Variants in MATN2 observed in about 807,000 individuals in gnomAD.
MATN2 encodes the protein matrilin 2, also known as matrilin-2.
In MATN2, 69 loss-of-function variants were observed where a neutral mutation model predicts 103.2. The ratio of observed to expected loss-of-function variants is 0.67; its 90% CI spans 0.55 to 0.82. The LOEUF (loss-of-function observed/expected upper bound fraction) is 0.82, where lower values mean the gene tolerates loss of function less well. MATN2 is among the 40% of genes least tolerant of loss of function. The pLI is 0.00. For missense variants in MATN2, 1,023 were observed against 1,211.5 expected, an observed-to-expected ratio of 0.84 and a Z score of 2.31; for synonymous variants, 429 against 450.2, an observed-to-expected ratio of 0.95 and a Z score of 0.60.
At chr8:97,895,649 G>A (rs1818784382) in intron 2 of MATN2, among the ~76,000 whole-genome samples, 1 of 152,172 alleles carries the variant, frequency 6.6e-6, no homozygotes, top group Non-Finnish European at 1.5e-5. Flanking sequence ...TTTACTACTA[G>A]ACTGTCTCTT....
intron 3 of MATN2, among the ~76,000 whole-genome samples, chr8:97,939,999 C>T (rs1465127575): frequency 6.6e-6 from 1 of 152,204 alleles, no homozygotes; most frequent in Non-Finnish European, 1.5e-5. Context: ...CCATAATTCT[C>T]CTTTGCTATA....
At chr8:97,989,404 G>C (rs961865858) in intron 6 of MATN2, among the ~76,000 whole-genome samples, 1 of 151,308 alleles carries the variant, frequency 6.6e-6, no homozygotes, top group African/African-American at 2.4e-5. Context: ...GGGAGGCAGA[G>C]CTTGCAGTGA....
At position 98,027,785 on chromosome 8, in the gene MATN2, C is replaced by T; in HGVS notation, c.2312C>T (p.Ala771Val). 6.3e-7 allele frequency: 1 copy of T among 1,599,524 alleles called. No homozygotes were observed. Among genetic ancestry groups the T allele is most frequent in the Non-Finnish European group, 8.5e-7 (1 of 1,173,560 alleles). Reference protein sequence around the residue: ...RAAIVFTDGRAQDDVSEWASK... With the variant: ...RAAIVFTDGRVQDDVSEWASK... The stretch of plus-strand genomic sequence containing the variant: ...GCCATTGTGTTCACCGACGGACGGG[C>T]TCAGGATGACGTCTCCGAGTGGGCC... Residue 771 changes from alanine to valine, a missense_variant, in exon 14 of 19, where the codon GCT becomes GTT. Coordinates refer to ENST00000254898, the MANE Select transcript of MATN2 (RefSeq NM_002380.5).
chr8:97,959,614 CT>C (rs1402117616), intron 4 of MATN2, among the ~76,000 whole-genome samples: 2 of 151,974 alleles, frequency 1.3e-5, no homozygotes, highest in African/African-American at 4.8e-5. Context: ...GTCTATAAGG[CT>C]TTTTTTTCCA....
rs1287582183 is a variant in MATN2 at position 98,036,535 on chromosome 8, G to A, written c.*823G>A. 2.6e-5 allele frequency: 4 copies of A among 152,142 alleles called. No homozygotes were observed. Among genetic ancestry groups the A allele is most frequent in the Non-Finnish European group, 5.9e-5 (4 of 68,040 alleles). 9.4% of individuals were successfully genotyped at this position (152,142 alleles called of 1,614,324 possible). A position where few individuals can be genotyped will look rare whatever the true frequency, so the allele number is the denominator to read the frequency against. On this transcript the variant is annotated 3_prime_UTR_variant, in exon 19 of 19. Coordinates refer to ENST00000254898, the MANE Select transcript of MATN2 (RefSeq NM_002380.5). ...TAGCAACTGCACTCAGTTGATTTCA[G>A]CCCATACATACAAAGAGACCTGCAT...
At chr8:98,032,515 G>A (rs927747021) in intron 16 of MATN2, among the ~76,000 whole-genome samples, 198 bp downstream of exon 16, 11 of 151,890 alleles carry the variant, frequency 7.2e-5, no homozygotes, top group African/African-American at 2.7e-4. Context: ...AGGTGACAGT[G>A]TTTTTTTGTT....
At chr8:97,994,374 T>G (rs1812497950) in intron 6 of MATN2, 106 bp from the exon 7 acceptor site, 1 of 1,195,852 alleles carries the variant, frequency 8.4e-7, no homozygotes, top group African/African-American at 1.5e-5. Context: ...CTCTTTGAGG[T>G]GTGGGATTTT....
At chr8:98,013,710 T>G (rs1010844889) in intron 10 of MATN2, among the ~76,000 whole-genome samples, 1 of 152,212 alleles carries the variant, frequency 6.6e-6, no homozygotes, top group African/African-American at 2.4e-5. Flanking sequence ...TTGGAAATAT[T>G]TATCTGCCTT....
intron 6 of MATN2, among the ~76,000 whole-genome samples, chr8:97,986,942 C>T (rs1310014799): frequency 6.6e-6 from 1 of 152,094 alleles, no homozygotes; most frequent in African/African-American, 2.4e-5. Context: ...ACGCCATTCT[C>T]CTGCCTCAGC....
At chr8:97,995,787 T>C (rs4735521) in intron 7 of MATN2, among the ~76,000 whole-genome samples, 51,086 of 152,150 alleles carry the variant, frequency 0.34, 9,543 homozygotes, top group African/African-American at 0.5. Flanking sequence ...TTGCAAATCC[T>C]GGATTTTGAA....
chr8:97,933,094 A>G (rs1320425829), intron 3 of MATN2, among the ~76,000 whole-genome samples: 2 of 152,246 alleles, frequency 1.3e-5, no homozygotes, highest in Non-Finnish European at 2.9e-5. Flanking sequence ...AAAAGCACAG[A>G]GATCTCATTT....
intron 2 of MATN2, among the ~76,000 whole-genome samples, chr8:97,924,074 C>T (rs2512071): frequency 1 from 151,685 of 152,296 alleles, 75,549 homozygotes; most frequent in Non-Finnish European, 1. Flanking sequence ...TCCCCAGCTT[C>T]AATTCTATAG....
At chr8:97,962,157 T>C (rs1248448092) in intron 5 of MATN2, among the ~76,000 whole-genome samples, 1 of 152,206 alleles carries the variant, frequency 6.6e-6, no homozygotes, top group African/African-American at 2.4e-5. Flanking sequence ...CTTAACATGG[T>C]CTCATTCCTC....
At chr8:97,888,332 T>G in intron 2 of MATN2, 90 bp downstream of exon 2, 1 of 1,346,806 alleles carries the variant, frequency 7.4e-7, no homozygotes, top group Non-Finnish European at 9.6e-7. Flanking sequence ...TTTGAGAAGC[T>G]TTCCTTTCCC....
Position 98,007,527 on chromosome 8 carries a change from T to A in MATN2, c.1499T>A (p.Val500Asp), listed in dbSNP as rs745751736. 8.1e-6 allele frequency: 13 copies of A among 1,613,530 alleles called. No homozygotes were observed. In the South Asian group the frequency reaches 1.1e-4, roughly 14 times the overall value. The change falls in exon 10 of 19, where the codon GTC (valine) becomes GAC (aspartate). Residue 500 changes from valine to aspartate, a missense_variant. Coordinates refer to ENST00000254898, the MANE Select transcript of MATN2 (RefSeq NM_002380.5). The surrounding 1 kb of genome is among the most constrained non-coding windows in gnomAD (Gnocchi z 4.2). ...LSDHGCEYSC[V>D]NMDRSFACQC... ...GACCATGGTTGTGAATACTCCTGTG[T>A]CAACATGGACAGATCCTTTGCCTGT...
chr8:97,937,886 CG>C (rs1810430490), intron 3 of MATN2, among the ~76,000 whole-genome samples: 1 of 151,992 alleles, frequency 6.6e-6, no homozygotes, highest in African/African-American at 2.4e-5. Context: ...GCCTAATTTC[CG>C]CAATTGATAG....
rs757205252 is a variant in MATN2 at position 97,931,388 on chromosome 8, C to T, written c.578C>T (p.Ala193Val). 1.5e-5 allele frequency: 25 copies of T among 1,613,648 alleles called. No individual in the cohort carries two copies. The highest frequency in any genetic ancestry group is 1.9e-5 in the Non-Finnish European group (23 of 1,179,892). Residue 193 changes from alanine to valine, a missense_variant, in exon 3 of 19, where the codon GCC (alanine) becomes GTC (valine). Transcript: ENST00000254898. The surrounding 1 kb of genome is among the most constrained non-coding windows in gnomAD (Gnocchi z 4.1). The stretch of plus-strand genomic sequence containing the variant: ...CGGGACACGGGCATCCTAATCTTTG[C>T]CATTGGTGTGGGCCAGGTAGACTTC... ...KARDTGILIFAIGVGQVDFNT... is the reference protein window; with the variant it reads ...KARDTGILIFVIGVGQVDFNT...
At chr8:97,950,267 T>C (rs972258367) in intron 4 of MATN2, among the ~76,000 whole-genome samples, 4 of 152,082 alleles carry the variant, frequency 2.6e-5, no homozygotes, top group African/African-American at 9.7e-5. Flanking sequence ...GTGGCATCAG[T>C]GGAGGATGAG....
chr8:97,927,103 T>C (rs533587092), intron 2 of MATN2, among the ~76,000 whole-genome samples: 1 of 151,220 alleles, frequency 6.6e-6, no homozygotes, highest in South Asian at 2.1e-4. Flanking sequence ...TGTGGTGCAC[T>C]GGTCTTAGTT....
Sources: allele counts gnomAD v4.1 joint callset (sites outside exome capture counted in the v4.1 genomes callset), GRCh38; gene constraint gnomAD v4.1.1; non-coding constraint Gnocchi (gnomAD v3.1); transcripts MANE v1.5; gene names NCBI Gene and HGNC (gene_info 2026-07-23, HGNC 2026-07-21).